THSD4: variants seen among roughly 807,000 people sequenced by gnomAD.
THSD4 encodes thrombospondin type 1 domain containing 4, also known as thrombospondin type-1 domain-containing protein 4.
A neutral mutation model predicts 119.0 loss-of-function variants in THSD4; 69 were observed. That is an observed-to-expected ratio of 0.58 (90% CI 0.48 to 0.71). The LOEUF (loss-of-function observed/expected upper bound fraction) is 0.71, where lower values mean the gene tolerates loss of function less well. THSD4 is among the 30% of genes least tolerant of loss of function. The pLI is 0.00. For synonymous variants in THSD4, 524 were observed against 540.4 expected (o/e 0.97, Z 0.42); for missense variants, 1,393 against 1,391.1 (o/e 1.00, Z -0.02).
rs1290264618 is a variant in THSD4 at position 71,208,508 on chromosome 15, C to A, written c.100-6527C>A. 8.6e-5 allele frequency among the ~76,000 whole-genome samples: 8 copies of A among 93,528 alleles called. No individual in the cohort carries two copies. The South Asian group carries it at 1.7e-3, about 20-fold the overall frequency. The allele number at this position is 93,528 out of a possible 152,430, so 61.4% of individuals were successfully genotyped here. ...TTTTTCTTTTTTTCTCTTTTCTTTT[C>A]TTTTTTATTTTTTTTTATTTTGAGA... On this transcript the variant is annotated intron_variant, in intron 3 of 17. Coordinates refer to ENST00000261862, the MANE Select transcript of THSD4 (RefSeq NM_024817.3).
intron 7 of THSD4, among the ~76,000 whole-genome samples, chr15:71,607,444 C>A (rs1226453025): frequency 6.6e-6 from 1 of 152,212 alleles, no homozygotes; most frequent in Non-Finnish European, 1.5e-5. Context: ...AAGTATCATG[C>A]CCAACACTTG....
chr15:71,652,272 C>T (rs1280896403), intron 7 of THSD4, among the ~76,000 whole-genome samples: 1 of 152,188 alleles, frequency 6.6e-6, no homozygotes, highest in East Asian at 1.9e-4. Context: ...CTGCTGCCAG[C>T]CCCTCCTGAG....
At chr15:71,423,210 C>G (rs1421745979) in intron 7 of THSD4, among the ~76,000 whole-genome samples, 1 of 152,160 alleles carries the variant, frequency 6.6e-6, no homozygotes, top group South Asian at 2.1e-4. Flanking sequence ...ATCTAAGCTA[C>G]AAGACAAAGT....
At chr15:71,465,012 G>A (rs1054008299) in intron 7 of THSD4, among the ~76,000 whole-genome samples, 7 of 152,050 alleles carry the variant, frequency 4.6e-5, no homozygotes, top group Non-Finnish European at 8.8e-5. Flanking sequence ...AGTCAAATTT[G>A]TCTTGTGTAT....
chr15:71,500,500 T>A (rs1192680232), intron 7 of THSD4, among the ~76,000 whole-genome samples: 1 of 152,238 alleles, frequency 6.6e-6, no homozygotes, highest in Non-Finnish European at 1.5e-5. Flanking sequence ...ATTTGTCTAT[T>A]TTTGTTTTTA....
rs1487451304 is a variant in THSD4 at position 71,242,913 on chromosome 15, C to T, written c.729C>T (p.Tyr243=). The T allele has an allele frequency of 1.2e-6, 2 of 1,614,112 alleles. No individual in the cohort carries two copies. The part of the protein sequence containing the change: ...SGLQAAEAPI[Y]QLPLTHDQGY... ...TGCAGGCTGCGGAGGCCCCCATCTA[C>T]CAGCTACCTTTGACCCATGATCAAG... Residue 243 remains tyrosine, a synonymous_variant, in exon 5 of 18, where the codon TAC becomes TAT. Transcript: ENST00000261862.
intron 6 of THSD4, among the ~76,000 whole-genome samples, chr15:71,259,045 G>A (rs758775558): frequency 2.0e-5 from 3 of 151,990 alleles, no homozygotes; most frequent in African/African-American, 7.3e-5. Context: ...CCTGGGAAGC[G>A]GAGGTTGTGG....
intron 7 of THSD4, among the ~76,000 whole-genome samples, chr15:71,565,035 A>G (rs1292330616): frequency 6.6e-6 from 1 of 152,178 alleles, no homozygotes; most frequent in African/African-American, 2.4e-5. Context: ...CAAAGAGAAC[A>G]AAAAACAACA....
intron 7 of THSD4, among the ~76,000 whole-genome samples, chr15:71,465,113 T>G (rs942358535): frequency 6.6e-6 from 1 of 152,178 alleles, no homozygotes; most frequent in African/African-American, 2.4e-5. Context: ...CTAGGAAATC[T>G]TAGCTTTTAG....
intron 6 of THSD4, among the ~76,000 whole-genome samples, chr15:71,296,047 T>G (rs939904953): frequency 6.6e-6 from 1 of 152,238 alleles, no homozygotes; most frequent in Non-Finnish European, 1.5e-5. Flanking sequence ...TCACATGTTA[T>G]TTATCTACTT....
intron 7 of THSD4, among the ~76,000 whole-genome samples, chr15:71,645,563 G>A (rs1167406001): frequency 1.3e-5 from 2 of 152,112 alleles, no homozygotes; most frequent in Non-Finnish European, 2.9e-5. Context: ...ATCATACCAT[G>A]GTTTTAGATT....
chr15:71,761,932 T>C (rs2053633159), intron 15 of THSD4, among the ~76,000 whole-genome samples: 1 of 152,180 alleles, frequency 6.6e-6, no homozygotes, highest in African/African-American at 2.4e-5. Flanking sequence ...TCACTCATTG[T>C]CCTGAGGCCT....
At chr15:71,506,016 G>A (rs1163867994) in intron 7 of THSD4, among the ~76,000 whole-genome samples, 2 of 152,196 alleles carry the variant, frequency 1.3e-5, no homozygotes, top group East Asian at 1.9e-4. Context: ...AAGAATGCAC[G>A]AACATGTTTT....
At chr15:71,138,220 G>A (rs577144644) in intron 1 of THSD4, among the ~76,000 whole-genome samples, 10 of 152,264 alleles carry the variant, frequency 6.6e-5, no homozygotes, top group African/African-American at 2.2e-4. Context: ...CTTACATGGC[G>A]GCAGGTGAGA....
chr15:71,597,620 A>C (rs992533755), intron 7 of THSD4, among the ~76,000 whole-genome samples: 3 of 152,208 alleles, frequency 2.0e-5, no homozygotes, highest in Non-Finnish European at 4.4e-5. Flanking sequence ...TTGGAAGAAC[A>C]GGAGGAGAAG....
intron 7 of THSD4, among the ~76,000 whole-genome samples, chr15:71,427,274 T>A (rs923720464): frequency 1.1e-4 from 5 of 44,388 alleles, no homozygotes; most frequent in Non-Finnish European, 2.5e-4. Flanking sequence ...GGCACTGGGA[T>A]GAAACAGTGG....
At chr15:71,383,303 C>G (rs1019588304) in intron 6 of THSD4, among the ~76,000 whole-genome samples, 9 of 152,160 alleles carry the variant, frequency 5.9e-5, no homozygotes, top group Non-Finnish European at 8.8e-5. Context: ...TCATAAGCAT[C>G]TAATGATTTT....
chr15:71,431,151 G>A (rs2046938993), intron 7 of THSD4, among the ~76,000 whole-genome samples: 2 of 152,078 alleles, frequency 1.3e-5, no homozygotes, highest in African/African-American at 2.4e-5. Flanking sequence ...GGAATAAAAG[G>A]AAGCTCCTTA....
intron 7 of THSD4, among the ~76,000 whole-genome samples, chr15:71,645,935 T>C (rs1486253349): frequency 2.0e-5 from 3 of 152,194 alleles, no homozygotes; most frequent in African/African-American, 4.8e-5. Context: ...CCCTCATCCC[T>C]CCACCTGTCC....
Sources: gnomAD v4.1 joint callset for allele counts (sites outside exome capture counted in the v4.1 genomes callset) on GRCh38, gnomAD v4.1.1 for gene constraint, MANE v1.5 for transcripts, NCBI Gene and HGNC (gene_info 2026-07-23, HGNC 2026-07-21) for gene names.